LTN1: variants seen among roughly 807,000 people sequenced by gnomAD.
LTN1 encodes E3 ubiquitin-protein ligase listerin.
A neutral mutation model predicts 201.2 loss-of-function variants in LTN1; 88 were observed. The ratio of observed to expected loss-of-function variants is 0.44; its 90% confidence interval spans 0.37 to 0.52. LTN1 has a LOEUF of 0.52. Among genes scored for constraint, LTN1 ranks in the 20% least tolerant of loss-of-function variants. The pLI is 0.00. For missense variants in LTN1, 1,752 were observed against 2,038.7 expected, an observed-to-expected ratio of 0.86 and a Z score of 2.71; for synonymous variants, 645 against 713.5, an observed-to-expected ratio of 0.90 and a Z score of 1.53.
At position 28,986,944 on chromosome 21, in the gene LTN1, A is replaced by C. The variant is rs113547136; in HGVS notation, c.43-10T>G. The stretch of plus-strand genomic sequence containing the variant: ...GGCCACTGTTTGAAGGCTGATAAGA[A>C]AATTACGGAGAAAAAAGTCAGAGTC... On this transcript the variant is annotated splice_polypyrimidine_tract_variant and intron_variant, in intron 1 of 29. Coordinates refer to ENST00000361371, the MANE Select transcript of LTN1 (RefSeq NM_015565.3). The surrounding 1 kb of genome is among the most constrained non-coding windows in gnomAD (Gnocchi z 4.1). 31 of 1,606,620 alleles carry C rather than the reference A, an allele frequency of 1.9e-5. 1 individual carries two copies. The African/African-American group carries it at 2.5e-4, about 13-fold the overall frequency.
At chr21:28,953,758 T>G (rs1344989229) in intron 16 of LTN1, among the ~76,000 whole-genome samples, 1 of 151,980 alleles carries the variant, frequency 6.6e-6, no homozygotes, top group Non-Finnish European at 1.5e-5. Flanking sequence ...ATGGGAGAAA[T>G]GGGAGACAGT....
In LTN1 at chr21:28,943,802, T is replaced by C. The variant is rs1419933242; in HGVS notation, c.4085A>G (p.Lys1362Arg). The C allele has an allele frequency of 2.5e-6, 4 of 1,613,770 alleles. No individual in the cohort carries two copies. Among genetic ancestry groups the C allele is most frequent in the Admixed American group, 1.7e-5 (1 of 60,002 alleles). The change falls in exon 23 of 30, where the codon AAA becomes AGA. Residue 1362 changes from lysine to arginine, a missense_variant. By Grantham distance (26) the Lys-to-Arg change is conservative (BLOSUM62 2). Around this residue, in one of 3 missense-constraint regions of LTN1, gnomAD observed 1,211 missense variants for 1,312.8 expected, o/e 0.92. Coordinates refer to ENST00000361371, the MANE Select transcript of LTN1 (RefSeq NM_015565.3). ...GTCAGCAACTAATCTTGCAGGAAGT[T>C]TGTGACTCAATAGCTGTTCCTTTGA... ...YISKEQLLSH[K>R]LPARLVADQK...
chr21:28,939,180 ACTAAT>A (rs1250915004), intron 25 of LTN1, among the ~76,000 whole-genome samples: 1 of 152,196 alleles, frequency 6.6e-6, no homozygotes, highest in East Asian at 1.9e-4. Context: ...ATCAGTGATA[ACTAAT>A]CTAGAGATGA....
In LTN1 at chr21:28,931,179, C is replaced by A. The variant is rs551344734; in HGVS notation, c.5214G>T (p.Lys1738Asn). 6.2e-6 allele frequency: 10 copies of A among 1,609,330 alleles called. No homozygotes were observed. The highest frequency in any genetic ancestry group is 8.5e-6 in the Non-Finnish European group (10 of 1,178,656). ...SLPKKACRTC[K>N]KKFHSACLYK... ...CCAAGCAGGCTGAATGGAATTTTTT[C>A]TTGCATGTTCTACAGGCTTTTTTGG... Residue 1738 changes from lysine to asparagine, a missense_variant, in exon 29 of 30, where the codon AAG (lysine) becomes AAT (asparagine). Lys to Asn is a moderately conservative substitution (Grantham distance 94). This residue lies in a region of LTN1 where 261 missense variants were observed against 350.1 expected (regional missense o/e 0.75). Coordinates refer to ENST00000361371, the MANE Select transcript of LTN1 (RefSeq NM_015565.3).
chr21:28,950,734 G>C (rs776210296), intron 18 of LTN1, among the ~76,000 whole-genome samples: 9 of 152,036 alleles, frequency 5.9e-5, no homozygotes, highest in African/African-American at 2.2e-4. Flanking sequence ...GGCTGGTCTC[G>C]AACTCCTGGG....
intron 21 of LTN1, 108 bp from the exon 22 acceptor site, chr21:28,944,704 G>A (rs1471109128): frequency 1.1e-5 from 9 of 792,728 alleles, no homozygotes; most frequent in African/African-American, 5.3e-5. Context: ...ATTTTAAAAC[G>A]AAAAGCAGTT....
intron 22 of LTN1, 22 bp downstream of exon 22, chr21:28,944,361 T>G: frequency 6.4e-7 from 1 of 1,566,922 alleles, no homozygotes; most frequent in East Asian, 2.2e-5. Context: ...TCAATCTCAC[T>G]ATTATTCCCT....
rs748726035 is a variant in LTN1, at chr21:28,943,782, C to T, written c.4105G>A (p.Ala1369Thr). 6.2e-7 allele frequency: 1 copy of T among 1,613,724 alleles called. No homozygotes were observed. Among genetic ancestry groups the T allele is most frequent in the Non-Finnish European group, 8.5e-7 (1 of 1,179,780 alleles). Residue 1369 changes from alanine to threonine, a missense_variant, in exon 23 of 30, where the codon GCT becomes ACT. Physicochemically the swap from Ala to Thr is moderately conservative, Grantham distance 58. This residue lies in a region of LTN1 where 1,211 missense variants were observed against 1,312.8 expected (regional missense o/e 0.92). Coordinates refer to ENST00000361371, the MANE Select transcript of LTN1 (RefSeq NM_015565.3). ...LSHKLPARLV[A>T]DQKTNLPEYL... Reference sequence around the variant, plus strand: ...TCTGGTAAGTTTGTTTTTTGGTCAGCAACTAATCTTGCAGGAAGTTTGTGA... The same window carrying T: ...TCTGGTAAGTTTGTTTTTTGGTCAGTAACTAATCTTGCAGGAAGTTTGTGA...
chr21:28,965,848 A>G lies in LTN1; in HGVS notation c.2163+17T>C. 7.2e-7 allele frequency: 1 copy of G among 1,388,760 alleles called. No homozygotes were observed. The highest frequency in any genetic ancestry group is 9.9e-7 in the Non-Finnish European group (1 of 1,008,960). 86.0% of individuals were successfully genotyped at this position (1,388,760 alleles called of 1,614,324 possible). A position where few individuals can be genotyped will look rare whatever the true frequency, so the allele number is the denominator to read the frequency against. On this transcript the variant is annotated intron_variant, in intron 11 of 29. Coordinates refer to ENST00000361371, the MANE Select transcript of LTN1 (RefSeq NM_015565.3). ...CATAAATACAAAAAAAAAAAGAAAA[A>G]AAAATCCCTAAGATACCTTTTCAAT...
intron 6 of LTN1, among the ~76,000 whole-genome samples, chr21:28,975,805 G>A (rs1215603541): frequency 6.6e-6 from 1 of 152,164 alleles, no homozygotes; most frequent in Non-Finnish European, 1.5e-5. Context: ...CATCTTGGTA[G>A]CTTCCTATAA....
chr21:28,931,094 TG>T, intron 29 of LTN1, 60 bp downstream of exon 29: 2 of 928,740 alleles, frequency 2.2e-6, no homozygotes, highest in Non-Finnish European at 3.4e-6. Flanking sequence ...TGTGTGTGTG[TG>T]TGTGTTTATG....
At chr21:28,945,721 C>G in intron 21 of LTN1, 86 bp downstream of exon 21, 1 of 1,237,690 alleles carries the variant, frequency 8.1e-7, no homozygotes. Flanking sequence ...ACAATCATCA[C>G]TTAAAGAATG....
chr21:28,959,922 G>C (rs1328560100), intron 12 of LTN1: 1 of 245,664 alleles, frequency 4.1e-6, no homozygotes, highest in Non-Finnish European at 6.4e-6. Context: ...GTTAGGGTGA[G>C]CAAGTTTGTA....
At chr21:28,979,391 G>A (rs2084641157) in intron 6 of LTN1, among the ~76,000 whole-genome samples, 1 of 152,186 alleles carries the variant, frequency 6.6e-6, no homozygotes, top group Non-Finnish European at 1.5e-5. Context: ...AGGCAATCAG[G>A]ATCTATCACT....
chr21:28,967,259 T>G, intron 9 of LTN1, 80 bp from the exon 10 acceptor site: 1 of 996,948 alleles, frequency 1.0e-6, no homozygotes, highest in Non-Finnish European at 1.5e-6. Flanking sequence ...CTAAAATCCT[T>G]GGAATCTCCA....
intron 1 of LTN1, among the ~76,000 whole-genome samples, chr21:28,991,444 T>C (rs1568862309): frequency 6.6e-6 from 1 of 152,218 alleles, no homozygotes; most frequent in Non-Finnish European, 1.5e-5. Context: ...AATGGCATTG[T>C]TTTTAGAAGA....
intron 26 of LTN1, among the ~76,000 whole-genome samples, chr21:28,935,979 G>C (rs1291174316): frequency 6.6e-6 from 1 of 152,120 alleles, no homozygotes; most frequent in Non-Finnish European, 1.5e-5. Flanking sequence ...AAAGATGCTT[G>C]CTGTTATAAA....
At chr21:28,952,884 C>T (rs2084394151) in intron 17 of LTN1, among the ~76,000 whole-genome samples, 1 of 152,132 alleles carries the variant, frequency 6.6e-6, no homozygotes, top group African/African-American at 2.4e-5. Flanking sequence ...ACACCTATAA[C>T]AACATGTAAG....
intron 18 of LTN1, 52 bp downstream of exon 18, chr21:28,952,108 A>C: frequency 9.2e-7 from 1 of 1,083,036 alleles, no homozygotes; most frequent in Non-Finnish European, 1.4e-6. Flanking sequence ...GGGGTTGCCA[A>C]AGTGACCGAT....
Sources: gnomAD v4.1 joint callset for allele counts (sites outside exome capture counted in the v4.1 genomes callset) on GRCh38, gnomAD v4.1.1 for gene constraint, gnomAD v4.1.1 regional missense constraint, Gnocchi (gnomAD v3.1) non-coding constraint, MANE v1.5 for transcripts, NCBI Gene and HGNC (gene_info 2026-07-23, HGNC 2026-07-21) for gene names.